CEP95: variants seen among roughly 807,000 people sequenced by gnomAD.
The protein encoded by CEP95 is centrosomal protein 95, also known as centrosomal protein of 95 kDa.
CEP95 carries 98 observed loss-of-function variants against 111.2 expected under a neutral mutation model. The ratio of observed to expected loss-of-function variants is 0.88; its 90% CI spans 0.75 to 1.04. The LOEUF (loss-of-function observed/expected upper bound fraction) is 1.04. Ranked by LOEUF, CEP95 falls within the 50% of genes least tolerant of loss-of-function variation. CEP95 has a pLI of 0.00. For synonymous variants in CEP95, 323 were observed against 327.1 expected, an observed-to-expected ratio of 0.99 and a Z score of 0.14; for missense variants, 1,027 against 977.2, an observed-to-expected ratio of 1.05 and a Z score of -0.68.
intron 16 of CEP95, 95 bp downstream of exon 16, chr17:64,533,286 A>G: frequency 5.3e-6 from 5 of 949,708 alleles, no homozygotes; most frequent in South Asian, 1.7e-5. Flanking sequence ...CAGACCCTTA[A>G]CCTCTTAACA....
In CEP95 at chr17:64,532,249, C is replaced by A. The variant is rs960959730; in HGVS notation, c.1672+227C>A. On this transcript the variant is annotated intron_variant, in intron 14 of 19. Transcript: ENST00000556440. Reference sequence around the variant, plus strand: ...TATTGGCACCCAAGGAATGCCAGGACTGCCACCTGCTGCTCCAGCGTTAGC... The same window carrying A: ...TATTGGCACCCAAGGAATGCCAGGAATGCCACCTGCTGCTCCAGCGTTAGC... 1.1e-4 allele frequency: 139 copies of A among 1,223,652 alleles called. 1 individual carries two copies. The highest frequency in any genetic ancestry group is 1.4e-4 in the Non-Finnish European group (137 of 981,116). The allele number at this position is 1,223,652 out of a possible 1,614,324, so 75.8% of individuals were successfully genotyped here.
intron 8 of CEP95, among the ~76,000 whole-genome samples, chr17:64,524,661 A>G (rs1221076138): frequency 6.6e-6 from 1 of 152,192 alleles, no homozygotes; most frequent in East Asian, 1.9e-4. Flanking sequence ...ATGAAGTGAA[A>G]TTAAAGATAT....
intron 8 of CEP95, 68 bp from the exon 9 acceptor site, chr17:64,525,702 C>T (rs530036015): frequency 3.6e-5 from 36 of 990,844 alleles, no homozygotes; most frequent in Middle Eastern, 4.7e-4. Context: ...CTCCCTTCCT[C>T]ACTCCCAGAA....
At chr17:64,527,963 T>A (rs781807241) in intron 11 of CEP95, among the ~76,000 whole-genome samples, 1 of 151,578 alleles carries the variant, frequency 6.6e-6, no homozygotes, top group Non-Finnish European at 1.5e-5. Flanking sequence ...CAGTTTTCAT[T>A]ACTATAAAAA....
intron 3 of CEP95, among the ~76,000 whole-genome samples, chr17:64,511,384 C>A (rs547581574): frequency 2.0e-5 from 3 of 152,340 alleles, no homozygotes; most frequent in Admixed American, 2.0e-4. Flanking sequence ...CGTCTGTAGA[C>A]CTGCCCCCAG....
rs144788891 is a variant in CEP95, at chr17:64,513,976, G to C, written c.257-272G>C. Among the ~76,000 whole-genome samples, 177 of 152,202 alleles carry C rather than the reference G, an allele frequency of 1.2e-3. 1 individual carries two copies. The highest frequency in any genetic ancestry group is 2.5e-3 in the Admixed American group (38 of 15,286). The stretch of plus-strand genomic sequence containing the variant: ...TTATTTTGCTTCTCCAAAAAAGGAA[G>C]GAATATGCCAGTGAATTATTAGACG... On this transcript the variant is annotated intron_variant, in intron 3 of 19. Transcript: ENST00000556440.
intron 13 of CEP95, 29 bp from the exon 14 acceptor site, chr17:64,531,861 T>A: frequency 6.8e-7 from 1 of 1,474,230 alleles, no homozygotes; most frequent in Non-Finnish European, 9.0e-7. Context: ...GACCTTTTAT[T>A]TTTATTCTGT....
At chr17:64,519,859 C>T (rs1322359127) in intron 6 of CEP95, among the ~76,000 whole-genome samples, 1 of 152,202 alleles carries the variant, frequency 6.6e-6, no homozygotes, top group Non-Finnish European at 1.5e-5. Flanking sequence ...CAGCCTATTG[C>T]TTGCACATAG....
At chr17:64,511,141 A>C (rs1157709782) in intron 3 of CEP95, among the ~76,000 whole-genome samples, 1 of 152,218 alleles carries the variant, frequency 6.6e-6, no homozygotes, top group Non-Finnish European at 1.5e-5. Context: ...AGGCAGGGCG[A>C]GATCACAGGA....
intron 17 of CEP95, 34 bp downstream of exon 17, chr17:64,534,771 A>G: frequency 1.3e-6 from 2 of 1,535,202 alleles, no homozygotes; most frequent in South Asian, 1.1e-5. Flanking sequence ...CCCTGTTAAG[A>G]AGGTGAACTT....
At chr17:64,515,372 A>G (rs782012903) in intron 4 of CEP95, among the ~76,000 whole-genome samples, 2 of 152,224 alleles carry the variant, frequency 1.3e-5, no homozygotes, top group Non-Finnish European at 2.9e-5. Flanking sequence ...GTACCTTTCT[A>G]GTCTTTTTAG....
At chr17:64,507,877 T>C (rs1466504107) in intron 1 of CEP95, 1 of 985,356 alleles carries the variant, frequency 1.0e-6, no homozygotes, top group Non-Finnish European at 1.2e-6. Flanking sequence ...TATTTTAAGC[T>C]AAGTTACTTT....
At position 64,530,981 on chromosome 17, in the gene CEP95, T is replaced by C. The variant is rs1221751011; in HGVS notation, c.1502T>C (p.Ile501Thr). The change falls in exon 13 of 20, where the codon ATT (isoleucine) becomes ACT (threonine). Residue 501 changes from isoleucine to threonine, a missense_variant. By Grantham distance (89) the Ile-to-Thr change is moderately conservative. Transcript: ENST00000556440. Reference sequence around the variant, plus strand: ...AGAAGACATAAAGTTCAAGAGAATATTGGACCTCTAAGAATACATGAGAAG... The same window carrying C: ...AGAAGACATAAAGTTCAAGAGAATACTGGACCTCTAAGAATACATGAGAAG... ...ELRRHKVQEN[I>T]GPLRIHEKEE... 2 of 1,559,420 alleles carry C rather than the reference T, an allele frequency of 1.3e-6. No individual in the cohort carries two copies. The highest frequency in any genetic ancestry group is 1.4e-5 in the African/African-American group (1 of 73,638).
intron 3 of CEP95, among the ~76,000 whole-genome samples, 184 bp from the exon 4 acceptor site, chr17:64,514,064 C>T (rs9906228): frequency 0.11 from 17,405 of 151,916 alleles, 1,839 homozygotes; most frequent in African/African-American, 0.27. Context: ...AATTGTTGTT[C>T]TTAATATTTA....
At position 64,534,638 on chromosome 17, in the gene CEP95, A is replaced by G; in HGVS notation, c.1971A>G (p.Lys657=). The change falls in exon 17 of 20, where the codon AAA becomes AAG. Residue 657 remains lysine (K), a synonymous_variant. Transcript: ENST00000556440. ...RRQRLTQSKI[K]ENRQQIVRAR... ...AAAGGTTGACCCAATCAAAGATAAA[A>G]GAAAATCGACAGCAAATCGTTCGTG... 1.2e-6 allele frequency: 2 copies of G among 1,613,920 alleles called. No individual in the cohort carries two copies. Among genetic ancestry groups the G allele is most frequent in the Non-Finnish European group, 1.7e-6 (2 of 1,179,800 alleles).
intron 17 of CEP95, 103 bp from the exon 18 acceptor site, chr17:64,536,499 G>A (rs1422884516): frequency 6.6e-6 from 5 of 757,578 alleles, no homozygotes; most frequent in African/African-American, 3.7e-5. Context: ...AATAAAACTA[G>A]TATTTAAAAA....
rs1439021215 is a variant in CEP95, at chr17:64,508,670, C to T, written c.98C>T (p.Ala33Val). Residue 33 changes from alanine (A) to valine (V), a missense_variant, in exon 2 of 20, where the codon GCT (alanine) becomes GTT (valine). Physicochemically the swap from Ala to Val is moderately conservative, Grantham distance 64. Coordinates refer to ENST00000556440, the MANE Select transcript of CEP95 (RefSeq NM_138363.3). ...LRIHELQDCD[A>V]NVFIALYQSI... ...ATACATGAACTTCAAGACTGTGATG[C>T]TAATGTTTTTATTGCTCTTTATCAG... 1.4e-6 allele frequency: 2 copies of T among 1,460,602 alleles called. No homozygotes were observed. The highest frequency in any genetic ancestry group is 1.8e-6 in the Non-Finnish European group (2 of 1,097,290). The allele number at this position is 1,460,602 out of a possible 1,614,324, so 90.5% of individuals were successfully genotyped here. A position where few individuals can be genotyped will look rare whatever the true frequency, so the allele number is the denominator to read the frequency against.
chr17:64,510,401 G>T, intron 3 of CEP95, 121 bp downstream of exon 3: 1 of 655,362 alleles, frequency 1.5e-6, no homozygotes, highest in African/African-American at 1.8e-5. Flanking sequence ...TTGTAAGATT[G>T]AGCTAAGACA....
intron 1 of CEP95, chr17:64,507,649 A>G (rs570630981): frequency 1.0e-6 from 1 of 988,422 alleles, no homozygotes; most frequent in South Asian, 4.5e-5. Flanking sequence ...TTGGTTGTCT[A>G]GGACGCTTTC....
Sources: allele counts gnomAD v4.1 joint callset (sites outside exome capture counted in the v4.1 genomes callset), GRCh38; gene constraint gnomAD v4.1.1; transcripts MANE v1.5; gene names NCBI Gene and HGNC (gene_info 2026-07-23, HGNC 2026-07-21).